The following KIAA1549 variants were observed in gnomAD, a reference collection of about 807,000 sequenced individuals.
The protein encoded by KIAA1549 is KIAA1549, also known as UPF0606 protein KIAA1549.
In KIAA1549, 70 loss-of-function variants were observed where a neutral mutation model predicts 156.4. That is an observed-to-expected ratio of 0.45 (90% CI 0.37 to 0.55). The LOEUF (loss-of-function observed/expected upper bound fraction) is 0.55. Among genes scored for constraint, KIAA1549 ranks in the 20% least tolerant of loss-of-function variants. The pLI, the probability that KIAA1549 is intolerant of heterozygous loss-of-function variation, is 0.00. For synonymous variants in KIAA1549, 1,103 were observed against 1,066.4 expected, an observed-to-expected ratio of 1.03 and a Z score of -0.67; for missense variants, 2,428 against 2,540.9, an observed-to-expected ratio of 0.96 and a Z score of 0.96.
chr7:138,839,954 A>AT (rs1309482097), intron 19 of KIAA1549, among the ~76,000 whole-genome samples, 179 bp downstream of exon 19: 8 of 149,894 alleles, frequency 5.3e-5, no homozygotes, highest in East Asian at 3.9e-4. Context: ...CGCCTGGCTA[A>AT]TTTTTTTTTG....
At chr7:138,861,606 A>T in intron 15 of KIAA1549, 150 bp from the exon 16 acceptor site, 1 of 636,682 alleles carries the variant, frequency 1.6e-6, no homozygotes, top group Non-Finnish European at 2.6e-6. Context: ...TAATTCCAGG[A>T]TTTGGGGAGG....
intron 9 of KIAA1549, 150 bp downstream of exon 9, chr7:138,898,805 G>T (rs114247522): frequency 1.5e-6 from 1 of 685,598 alleles, no homozygotes; most frequent in African/African-American, 1.8e-5. Flanking sequence ...AATAAAGAAG[G>T]TCTTGGTGAA....
intron 10 of KIAA1549, among the ~76,000 whole-genome samples, chr7:138,887,887 T>A (rs758698893): frequency 6.6e-6 from 1 of 151,814 alleles, no homozygotes; most frequent in African/African-American, 2.4e-5. Context: ...AGCAGTGAGG[T>A]TTTTATTTCA....
rs1234940971 is a variant in KIAA1549 at position 138,849,810 on chromosome 7, T to G, written c.5294+2413A>C. On this transcript the variant is annotated intron_variant, in intron 17 of 19. Coordinates refer to ENST00000422774, the MANE Select transcript of KIAA1549 (RefSeq NM_001164665.2). ...GCCCCCACTTATAAGTGAGAACATG[T>G]AGTATTTGGTTTTCTGTTCCTGCAT... Among the ~76,000 whole-genome samples the G allele has an allele frequency of 2.6e-5, 4 of 152,172 alleles. No individual in the cohort carries two copies. The East Asian group carries it at 7.7e-4, about 29-fold the overall frequency.
intron 12 of KIAA1549, among the ~76,000 whole-genome samples, chr7:138,874,138 A>G (rs1194175055): frequency 6.7e-6 from 1 of 149,950 alleles, no homozygotes; most frequent in Non-Finnish European, 1.5e-5. Flanking sequence ...GCATTGCACA[A>G]TTTTTCTAAA....
At position 138,879,474 on chromosome 7, in the gene KIAA1549, G is replaced by A. The variant is rs1584725282; in HGVS notation, c.4345+64C>T. The A allele has an allele frequency of 3.3e-6, 3 of 916,718 alleles. No individual in the cohort carries two copies. In the African/African-American group the frequency reaches 5.0e-5, roughly 15 times the overall value. 56.8% of individuals were successfully genotyped at this position (916,718 alleles called of 1,614,324 possible). A position where few individuals can be genotyped will look rare whatever the true frequency, so the allele number is the denominator to read the frequency against. On this transcript the variant is annotated intron_variant, in intron 12 of 19. Coordinates refer to ENST00000422774, the MANE Select transcript of KIAA1549 (RefSeq NM_001164665.2). ...GGGTTTAGCATTTGAAATACTGTAA[G>A]GCCCCAGCCTTTGGACTCTCATAGG... is the stretch of plus-strand genomic sequence containing the variant.
chr7:138,881,640 G>A, intron 10 of KIAA1549, 56 bp from the exon 11 acceptor site: 1 of 1,481,492 alleles, frequency 6.7e-7, no homozygotes, highest in Middle Eastern at 1.8e-4. Flanking sequence ...AGGCTGATGA[G>A]AGGAGCACAA....
At chr7:138,942,650 C>T (rs1584773714) in intron 1 of KIAA1549, among the ~76,000 whole-genome samples, 1 of 152,180 alleles carries the variant, frequency 6.6e-6, no homozygotes, top group East Asian at 1.9e-4. Context: ...GTGACTCACG[C>T]CTGTAATCCC....
chr7:138,950,142 G>A (rs1813452917), intron 1 of KIAA1549, among the ~76,000 whole-genome samples: 1 of 152,098 alleles, frequency 6.6e-6, no homozygotes, highest in African/African-American at 2.4e-5. Context: ...CTGAAGGGCA[G>A]GTCATGTTCT....
intron 1 of KIAA1549, among the ~76,000 whole-genome samples, chr7:138,948,501 G>A (rs561917242): frequency 1.3e-5 from 2 of 152,278 alleles, no homozygotes; most frequent in African/African-American, 2.4e-5. Flanking sequence ...CTCCAAAACC[G>A]TGAGAGTAAA....
chr7:138,954,744 C>T (rs1411072058), intron 1 of KIAA1549, among the ~76,000 whole-genome samples: 1 of 152,186 alleles, frequency 6.6e-6, no homozygotes, highest in Non-Finnish European at 1.5e-5. Context: ...TGCAGAGTGA[C>T]TGAAGCTTCC....
rs988555427 is a variant in KIAA1549 at position 138,869,661 on chromosome 7, T to C, written c.4652A>G (p.Asp1551Gly). 8.7e-6 allele frequency: 14 copies of C among 1,612,014 alleles called. No individual in the cohort carries two copies. The highest frequency in any genetic ancestry group is 3.9e-4 in the Middle Eastern group (2 of 5,072). The part of the protein sequence containing the change: ...RRGHYEFPVV[D>G]DLSSGDTKER... Reference sequence around the variant, plus strand: ...CTTAGTGTCGCCCGAGGACAGGTCGTCTACCACCGGGAACTCGTAGTGCCC... The same window carrying C: ...CTTAGTGTCGCCCGAGGACAGGTCGCCTACCACCGGGAACTCGTAGTGCCC... The change falls in exon 14 of 20, where the codon GAC (aspartate) becomes GGC (glycine). Residue 1551 changes from aspartate (D) to glycine (G), a missense_variant. Asp to Gly is a moderately conservative substitution (Grantham distance 94, BLOSUM62 -1). Transcript: ENST00000422774.
At chr7:138,878,041 CT>C (rs2130398794) in intron 12 of KIAA1549, among the ~76,000 whole-genome samples, 1 of 152,322 alleles carries the variant, frequency 6.6e-6, no homozygotes, top group Admixed American at 6.5e-5. Flanking sequence ...GATTCTAATC[CT>C]GTCTATCTGA....
intron 1 of KIAA1549, among the ~76,000 whole-genome samples, chr7:138,938,535 C>T (rs1242830815): frequency 3.3e-5 from 5 of 152,110 alleles, no homozygotes; most frequent in Non-Finnish European, 5.9e-5. Context: ...TAACTTATCT[C>T]GGTTTATTTG....
At chr7:138,883,128 C>A (rs1041527129) in intron 10 of KIAA1549, among the ~76,000 whole-genome samples, 6 of 133,306 alleles carry the variant, frequency 4.5e-5, no homozygotes, top group Non-Finnish European at 7.8e-5. Context: ...TTCAGCCAGA[C>A]ATGGTATGGT....
chr7:138,849,863 CT>C (rs1196290082), intron 17 of KIAA1549, among the ~76,000 whole-genome samples: 1 of 152,130 alleles, frequency 6.6e-6, no homozygotes, highest in Admixed American at 6.5e-5. Context: ...CGGCCTCTGG[CT>C]CCATCCATGT....
chr7:138,919,218 G>T lies in KIAA1549; in HGVS notation c.408C>A (p.Ser136Arg). The T allele has an allele frequency of 6.2e-7, 1 of 1,614,028 alleles. No homozygotes were observed. The highest frequency in any genetic ancestry group is 8.5e-7 in the Non-Finnish European group (1 of 1,179,900). The change falls in exon 2 of 20, where the codon AGC becomes AGA. Residue 136 changes from serine to arginine, a missense_variant. By Grantham distance (110) the Ser-to-Arg change is moderately radical. Transcript: ENST00000422774. ...CTGACACGTAAGTTGCCACAAAGAT[G>T]CTGGGATCTGCTGTACTTTTGGTCT... ...GKQTKSTADP[S>R]IFVATYVSVT...
Position 138,879,527 on chromosome 7 carries a change from G to C in KIAA1549, c.4345+11C>G, listed in dbSNP as rs1350753357. 2.0e-6 allele frequency: 3 copies of C among 1,522,388 alleles called. No homozygotes were observed. Among genetic ancestry groups the C allele is most frequent in the Admixed American group, 2.0e-5 (1 of 50,628 alleles). The allele number at this position is 1,522,388 out of a possible 1,614,324, so 94.3% of individuals were successfully genotyped here. ...CTACTTTTAATGGGAAGAACCAGAA[G>C]AGTCACAGACCGCTCTGCGGAGCTC... On this transcript the variant is annotated intron_variant, in intron 12 of 19. Transcript: ENST00000422774.
intron 6 of KIAA1549, among the ~76,000 whole-genome samples, 183 bp from the exon 7 acceptor site, chr7:138,905,264 G>A (rs1333934189): frequency 6.6e-6 from 1 of 152,230 alleles, no homozygotes; most frequent in Non-Finnish European, 1.5e-5. Context: ...AGGAAAAAGA[G>A]AGAGATAAAA....
Sources: gnomAD v4.1 joint callset for allele counts (sites outside exome capture counted in the v4.1 genomes callset) on GRCh38, gnomAD v4.1.1 for gene constraint, MANE v1.5 for transcripts, NCBI Gene and HGNC (gene_info 2026-07-23, HGNC 2026-07-21) for gene names.